The following HNRNPA2B1 variants were observed in gnomAD, a reference collection of about 807,000 sequenced individuals.
The protein encoded by HNRNPA2B1 is heterogeneous nuclear ribonucleoprotein A2/B1.
In HNRNPA2B1, 3 loss-of-function variants were observed where a neutral mutation model predicts 46.3. The ratio of observed to expected loss-of-function variants is 0.06; its 90% CI spans 0.03 to 0.17. The LOEUF (loss-of-function observed/expected upper bound fraction) is 0.17. Ranked by LOEUF, HNRNPA2B1 falls within the 10% of genes least tolerant of loss-of-function variation. The pLI, the probability that HNRNPA2B1 is intolerant of heterozygous loss-of-function variation, is 1.00. For synonymous variants in HNRNPA2B1, 225 were observed against 133.8 expected (o/e 1.68, Z -4.70); for missense variants, 221 against 418.9 (o/e 0.53, Z 4.12).
chr7:26,196,625 G>A lies in HNRNPA2B1; in HGVS notation c.509C>T (p.Ala170Val). The change falls in exon 5 of 11, where the codon GCA becomes GTA. Residue 170 changes from alanine to valine, a missense_variant. Coordinates refer to ENST00000618183, the MANE Select transcript of HNRNPA2B1 (RefSeq NM_002137.4). ...QKYHTINGHNAEVRKALSRQE... is the reference protein window; with the variant it reads ...QKYHTINGHNVEVRKALSRQE... Reference sequence around the variant, plus strand: ...TCTAGACAAAGCCTTTCTTACTTCTGCATTATGACCATTGATGGTATGGTA... The same window carrying A: ...TCTAGACAAAGCCTTTCTTACTTCTACATTATGACCATTGATGGTATGGTA... 6.2e-7 allele frequency: 1 copy of A among 1,614,012 alleles called. No homozygotes were observed. The highest frequency in any genetic ancestry group is 8.5e-7 in the Non-Finnish European group (1 of 1,179,914).
chr7:26,198,100 T>C, intron 1 of HNRNPA2B1: 1 of 367,086 alleles, frequency 2.7e-6, no homozygotes. Context: ...AAAGAATCTT[T>C]ACCAAAAATT....
intron 1 of HNRNPA2B1, 93 bp downstream of exon 1, chr7:26,200,479 T>A: frequency 2.3e-6 from 3 of 1,290,792 alleles, no homozygotes; most frequent in Non-Finnish European, 3.4e-6. Flanking sequence ...ATTTCCTGCC[T>A]CTCTCCCACG....
intron 7 of HNRNPA2B1, among the ~76,000 whole-genome samples, chr7:26,195,175 G>C (rs979472255): frequency 1.8e-5 from 2 of 110,226 alleles, no homozygotes; most frequent in Non-Finnish European, 3.7e-5. Flanking sequence ...TTAAATACAA[G>C]AACTCAGCTT....
intron 8 of HNRNPA2B1, 88 bp from the exon 9 acceptor site, chr7:26,193,461 C>A (rs1783138556): frequency 1.3e-6 from 2 of 1,526,928 alleles, no homozygotes; most frequent in Admixed American, 4.2e-5. Context: ...TAAAAGCAAA[C>A]ACTTATCCAC....
At chr7:26,197,962 CAA>C (rs1158398766) in intron 1 of HNRNPA2B1, 45 of 740,390 alleles carry the variant, frequency 6.1e-5, no homozygotes, top group Non-Finnish European at 9.0e-5. Flanking sequence ...CTGATCTACA[CAA>C]GTTTCAAAGT....
At chr7:26,199,688 T>C (rs1055000338) in intron 1 of HNRNPA2B1, 6 of 152,114 alleles carry the variant, frequency 3.9e-5, no homozygotes, top group African/African-American at 1.2e-4. Flanking sequence ...TTCCAATTTA[T>C]GTTTATTTTG....
chr7:26,199,608 G>A (rs1488268071), intron 1 of HNRNPA2B1: 2 of 152,116 alleles, frequency 1.3e-5, no homozygotes, highest in Non-Finnish European at 2.9e-5. Context: ...GAACAGTAAA[G>A]GATTCTGACG....
chr7:26,200,281 T>C lies in HNRNPA2B1; in HGVS notation c.6+291A>G. On this transcript the variant is annotated intron_variant, in intron 1 of 10. Transcript: ENST00000618183. ...CGTGCTTTAGAAAGGGAATAAGAAT[T>C]CCCGCCTCCGCGCCCCACTTTCACC... The C allele has an allele frequency of 8.3e-6, 4 of 481,040 alleles. No homozygotes were observed. In the South Asian group the frequency reaches 9.5e-5, roughly 11 times the overall value. The allele number at this position is 481,040 out of a possible 1,614,324, so 29.8% of individuals were successfully genotyped here.
intron 1 of HNRNPA2B1, chr7:26,199,268 G>C (rs926282197): frequency 6.6e-6 from 1 of 152,564 alleles, no homozygotes; most frequent in African/African-American, 2.4e-5. Context: ...TAGGGTCAAA[G>C]AAAATAACCA....
In HNRNPA2B1 at chr7:26,196,255, A is replaced by G. The variant is rs978017383; in HGVS notation, c.658+146T>C. ...CTCTATTAACTTCTTGTCTGGCCAAATCACAAGAGCTTGCCAGGATACAAT... is the reference window on the plus strand; with the variant it reads ...CTCTATTAACTTCTTGTCTGGCCAAGTCACAAGAGCTTGCCAGGATACAAT... On this transcript the variant is annotated intron_variant, in intron 6 of 10. Coordinates refer to ENST00000618183, the MANE Select transcript of HNRNPA2B1 (RefSeq NM_002137.4). The G allele has an allele frequency of 2.2e-5, 15 of 687,740 alleles. No individual in the cohort carries two copies. The East Asian group carries it at 4.1e-4, about 19-fold the overall frequency. The allele number at this position is 687,740 out of a possible 1,614,324, so 42.6% of individuals were successfully genotyped here.
In HNRNPA2B1 at chr7:26,196,041, G is replaced by C. The variant is rs376477105; in HGVS notation, c.659-132C>G. ...AGAAAAGGACACACCAGTGCTACCA[G>C]TTTACCCACAAAACATGAAAGCATA... On this transcript the variant is annotated intron_variant, in intron 6 of 10. Coordinates refer to ENST00000618183, the MANE Select transcript of HNRNPA2B1 (RefSeq NM_002137.4). 2,628 of 1,247,036 alleles carry C rather than the reference G, an allele frequency of 2.1e-3. 13 individuals carry two copies. Among genetic ancestry groups the C allele is most frequent in the South Asian group, 0.012 (688 of 56,990 alleles). 77.2% of individuals were successfully genotyped at this position (1,247,036 alleles called of 1,614,324 possible).
At chr7:26,198,000 C>A in intron 1 of HNRNPA2B1, 1 of 497,892 alleles carries the variant, frequency 2.0e-6, no homozygotes, top group South Asian at 3.8e-5. Flanking sequence ...TAAATTTACT[C>A]AACATTAAAT....
intron 1 of HNRNPA2B1, 75 bp downstream of exon 1, chr7:26,200,496 GC>G: frequency 1.4e-6 from 2 of 1,465,774 alleles, no homozygotes; most frequent in Non-Finnish European, 1.9e-6. Flanking sequence ...CACGGAGGCG[GC>G]TGGCCGACTT....
intron 1 of HNRNPA2B1, chr7:26,200,049 A>T (rs2128131036): frequency 6.2e-6 from 1 of 160,178 alleles, no homozygotes; most frequent in African/African-American, 2.4e-5. Context: ...AAAATAGTTA[A>T]CCACTTCTAC....
At chr7:26,200,320 G>A (rs1020747121) in intron 1 of HNRNPA2B1, 39 of 556,572 alleles carry the variant, frequency 7.0e-5, no homozygotes, top group African/African-American at 6.8e-4. Context: ...GCGGGGCAGC[G>A]TCCGCCATGT....
Position 26,192,591 on chromosome 7 carries a change from A to C in HNRNPA2B1, c.965-14T>G. On this transcript the variant is annotated splice_polypyrimidine_tract_variant and intron_variant, in intron 9 of 10. Coordinates refer to ENST00000618183, the MANE Select transcript of HNRNPA2B1 (RefSeq NM_002137.4). The stretch of plus-strand genomic sequence containing the variant: ...GACCATAGTTTCCTATAATTGTTGG[A>C]ACAGCAAGAGAAAACAAACTTACTT... 6.2e-7 allele frequency: 1 copy of C among 1,612,338 alleles called. No homozygotes were observed. Among genetic ancestry groups the C allele is most frequent in the South Asian group, 1.1e-5 (1 of 91,048 alleles).
Position 26,190,618 on chromosome 7 carries a change from T to C in HNRNPA2B1, c.*1742A>G, listed in dbSNP as rs753005613. 2 of 152,154 alleles carry C rather than the reference T, an allele frequency of 1.3e-5. No individual in the cohort carries two copies. The highest frequency in any genetic ancestry group is 2.4e-5 in the African/African-American group (1 of 41,430). The allele number at this position is 152,154 out of a possible 1,614,324, so 9.4% of individuals were successfully genotyped here. On this transcript the variant is annotated 3_prime_UTR_variant, in exon 11 of 11. Coordinates refer to ENST00000618183, the MANE Select transcript of HNRNPA2B1 (RefSeq NM_002137.4). ...CTGTAAAGGCAATAAAGCCGGGCAA[T>C]CAAACTGATCATATCTAAGGAATGA...
chr7:26,195,045 G>A (rs1393734483), intron 7 of HNRNPA2B1, among the ~76,000 whole-genome samples: 2 of 135,846 alleles, frequency 1.5e-5, no homozygotes. Flanking sequence ...AGTGAGCAGA[G>A]ACGCGCCACT....
chr7:26,199,815 C>T (rs893592308), intron 1 of HNRNPA2B1: 1 of 152,126 alleles, frequency 6.6e-6, no homozygotes. Flanking sequence ...GCATTGAACC[C>T]GGCCCGACGC....
Sources: allele counts gnomAD v4.1 joint callset (sites outside exome capture counted in the v4.1 genomes callset), GRCh38; gene constraint gnomAD v4.1.1; transcripts MANE v1.5; gene names NCBI Gene and HGNC (gene_info 2026-07-23, HGNC 2026-07-21).